The following TTF2 variants were observed in gnomAD, a reference collection of about 807,000 sequenced individuals.
TTF2 encodes the protein transcription termination factor 2, also known as RNA polymerase II termination factor.
Under a neutral mutation model 142.4 loss-of-function variants are expected in TTF2, and 108 were observed. The ratio of observed to expected loss-of-function variants is 0.76; its 90% confidence interval spans 0.65 to 0.89. The LOEUF is 0.89. Ranked by LOEUF, TTF2 falls within the 40% of genes least tolerant of loss-of-function variation. The probability of loss-of-function intolerance (pLI) is 0.00; values close to 1 mark genes in which losing one functional copy is unlikely to be tolerated. For missense variants in TTF2, 1,327 were observed against 1,379.8 expected (o/e 0.96, Z 0.61); for synonymous variants, 483 against 506.2 (o/e 0.95, Z 0.61).
In TTF2 at chr1:117,085,319, C is replaced by T. The variant is rs910199039; in HGVS notation, c.2055-1098C>T. Among the ~76,000 whole-genome samples, 2 of 152,120 alleles carry T rather than the reference C, an allele frequency of 1.3e-5. No homozygotes were observed. Among genetic ancestry groups the T allele is most frequent in the Non-Finnish European group, 2.9e-5 (2 of 68,032 alleles). The stretch of plus-strand genomic sequence containing the variant: ...CTATAATCCGAGCACTTTGGGAGGC[C>T]GAGGCAGGCAGATCACTTGAGCTCA... On this transcript the variant is annotated intron_variant, in intron 11 of 22. Coordinates refer to ENST00000369466, the MANE Select transcript of TTF2 (RefSeq NM_003594.4). This position sits in a 1 kb window ranked among gnomAD's most constrained non-coding sequence, Gnocchi z 4.7.
intron 3 of TTF2, among the ~76,000 whole-genome samples, chr1:117,069,510 C>T (rs540372078): frequency 2.6e-5 from 4 of 152,284 alleles, no homozygotes; most frequent in Admixed American, 2.6e-4. Context: ...AGTGATCAGC[C>T]AGTGTGAGCT....
chr1:117,086,626 G>T lies in TTF2; in HGVS notation c.2160+104G>T. 1 of 759,332 alleles carries T rather than the reference G, an allele frequency of 1.3e-6. No homozygotes were observed. Among genetic ancestry groups the T allele is most frequent in the Non-Finnish European group, 2.3e-6 (1 of 439,370 alleles). 47.0% of individuals were successfully genotyped at this position (759,332 alleles called of 1,614,324 possible). ...AGCAAGAGGACCTCCCTGGAGGTCA[G>T]GAATGCTGTAAATGATCCGCATGTG... is the stretch of plus-strand genomic sequence containing the variant. On this transcript the variant is annotated intron_variant, in intron 12 of 22. Coordinates refer to ENST00000369466, the MANE Select transcript of TTF2 (RefSeq NM_003594.4). This position sits in a 1 kb window ranked among gnomAD's most constrained non-coding sequence, Gnocchi z 4.2.
rs1344442330 is a variant in TTF2, at chr1:117,084,188, G to C, written c.2054+20G>C. 3 of 1,613,534 alleles carry C rather than the reference G, an allele frequency of 1.9e-6. No individual in the cohort carries two copies. The highest frequency in any genetic ancestry group is 2.5e-6 in the Non-Finnish European group (3 of 1,179,490). ...CAGAGTGTAAGTGCAGGAATACGCA[G>C]TTGTGGGGGCGTTCAGCACCTCTGC... On this transcript the variant is annotated intron_variant, in intron 11 of 22. Transcript: ENST00000369466.
intron 3 of TTF2, among the ~76,000 whole-genome samples, chr1:117,072,585 G>A (rs1302213171): frequency 2.6e-5 from 4 of 151,530 alleles, no homozygotes; most frequent in South Asian, 4.2e-4. Flanking sequence ...CCACCACGCC[G>A]GGCTAATTTT....
rs796515215 is a variant in TTF2, at chr1:117,099,424, A to G, written c.3344+517A>G. 3.9e-5 allele frequency among the ~76,000 whole-genome samples: 6 copies of G among 152,158 alleles called. No homozygotes were observed. Among genetic ancestry groups the G allele is most frequent in the South Asian group, 4.1e-4 (2 of 4,834 alleles). On this transcript the variant is annotated intron_variant, in intron 22 of 22. Coordinates refer to ENST00000369466, the MANE Select transcript of TTF2 (RefSeq NM_003594.4). This position sits in a 1 kb window ranked among gnomAD's most constrained non-coding sequence, Gnocchi z 4.3. ...AGGTTATTAAAATTAATAAAACACT[A>G]TTATCTGATCTACAGATCTTTTCAA...
At chr1:117,064,422 G>T (rs1655922579) in intron 3 of TTF2, among the ~76,000 whole-genome samples, 1 of 152,152 alleles carries the variant, frequency 6.6e-6, no homozygotes. Flanking sequence ...TATGGTTTGT[G>T]CTTTTTGTCT....
At position 117,107,347 on chromosome 1, in the gene TTF2, C is replaced by G. The variant is rs898464577; in HGVS notation, c.*5823C>G. 2.0e-5 allele frequency: 3 copies of G among 152,202 alleles called. No homozygotes were observed. The highest frequency in any genetic ancestry group is 4.4e-5 in the Non-Finnish European group (3 of 68,032). 9.4% of individuals were successfully genotyped at this position (152,202 alleles called of 1,614,324 possible). ...TAAAGGCTAACACATTAGCCAGAACCTAGATGTCTTCTGGAAATTTTTTAT... is the reference window on the plus strand; with the variant it reads ...TAAAGGCTAACACATTAGCCAGAACGTAGATGTCTTCTGGAAATTTTTTAT... On this transcript the variant is annotated 3_prime_UTR_variant, in exon 23 of 23. Transcript: ENST00000369466.
intron 2 of TTF2, among the ~76,000 whole-genome samples, chr1:117,061,623 G>A (rs183691485): frequency 2.9e-4 from 44 of 152,302 alleles, no homozygotes; most frequent in African/African-American, 1.0e-3. Flanking sequence ...CCCAGGTCAA[G>A]TTTTGTGAGA....
At chr1:117,096,371 G>T in intron 20 of TTF2, 72 bp downstream of exon 20, 1 of 1,544,164 alleles carries the variant, frequency 6.5e-7, no homozygotes, top group South Asian at 1.2e-5. Context: ...TTTTTGTTTG[G>T]TTGGTTTTTG....
chr1:117,083,241 C>CAAAA (rs937586299), intron 10 of TTF2, among the ~76,000 whole-genome samples: 11 of 53,308 alleles, frequency 2.1e-4, no homozygotes, highest in East Asian at 1.7e-3. Flanking sequence ...GACTCCGTCT[C>CAAAA]AAAAAAAAAA....
Position 117,093,017 on chromosome 1 carries a change from C to A in TTF2, c.2976+116C>A. 4.2e-6 allele frequency: 5 copies of A among 1,178,250 alleles called. No individual in the cohort carries two copies. Among genetic ancestry groups the A allele is most frequent in the Non-Finnish European group, 6.0e-6 (5 of 831,226 alleles). The allele number at this position is 1,178,250 out of a possible 1,614,324, so 73.0% of individuals were successfully genotyped here. ...AGCCATTTGCCAGCAGAGCTAGAGC[C>A]GTTAAATTCTAGCTGATCAGATTCT... On this transcript the variant is annotated intron_variant, in intron 18 of 22. Transcript: ENST00000369466. This position sits in a 1 kb window ranked among gnomAD's most constrained non-coding sequence, Gnocchi z 4.5.
intron 3 of TTF2, among the ~76,000 whole-genome samples, chr1:117,065,240 A>G (rs952183493): frequency 4.6e-5 from 7 of 152,216 alleles, no homozygotes; most frequent in Non-Finnish European, 7.3e-5. Flanking sequence ...GATTGCATTG[A>G]ATCTATATAG....
At position 117,101,771 on chromosome 1, in the gene TTF2, T is replaced by A. The variant is rs963642121; in HGVS notation, c.*247T>A. On this transcript the variant is annotated 3_prime_UTR_variant, in exon 23 of 23. Transcript: ENST00000369466. This position sits in a 1 kb window ranked among gnomAD's most constrained non-coding sequence, Gnocchi z 5.9. ...TGGTATGGAAACCAATTGATTTTTTTAGATAAAAGAATATGTTTTAGAGTT... is the reference window on the plus strand; with the variant it reads ...TGGTATGGAAACCAATTGATTTTTTAAGATAAAAGAATATGTTTTAGAGTT... 3 of 348,846 alleles carry A rather than the reference T, an allele frequency of 8.6e-6. No homozygotes were observed. The highest frequency in any genetic ancestry group is 6.3e-5 in the African/African-American group (3 of 47,480). The allele number at this position is 348,846 out of a possible 1,614,324, so 21.6% of individuals were successfully genotyped here.
intron 2 of TTF2, 31 bp downstream of exon 2, chr1:117,060,588 G>C (rs371412038): frequency 7.0e-5 from 110 of 1,560,606 alleles, no homozygotes; most frequent in Non-Finnish European, 8.8e-5. Context: ...CACTCCCTGT[G>C]GCTGCCCGGG....
rs750468426 is a variant in TTF2, at chr1:117,075,404, A to C, written c.820A>C (p.Lys274Gln). The C allele has an allele frequency of 6.2e-6, 10 of 1,614,060 alleles. No individual in the cohort carries two copies. Among genetic ancestry groups the C allele is most frequent in the Non-Finnish European group, 8.5e-6 (10 of 1,180,040 alleles). ...QNVHSHNSIS[K>Q]PQKGGPLNKE... is the part of the protein sequence containing the mutation. The stretch of plus-strand genomic sequence containing the variant: ...TGTTCACAGTCACAACTCAATAAGC[A>C]AGCCCCAGAAAGGGGGACCCCTCAA... The change falls in exon 5 of 23, where the codon AAG becomes CAG. Residue 274 changes from lysine to glutamine, a missense_variant. Lys to Gln is a moderately conservative substitution (Grantham distance 53). Coordinates refer to ENST00000369466, the MANE Select transcript of TTF2 (RefSeq NM_003594.4). This position sits in a 1 kb window ranked among gnomAD's most constrained non-coding sequence, Gnocchi z 4.5.
Position 117,099,243 on chromosome 1 carries a change from C to T in TTF2, c.3344+336C>T, listed in dbSNP as rs6666693. 0.28 allele frequency among the ~76,000 whole-genome samples: 41,799 copies of T among 151,826 alleles called. 6,090 individuals carry two copies. Among genetic ancestry groups the T allele is most frequent in the Non-Finnish European group, 0.31 (20,787 of 67,912 alleles). On this transcript the variant is annotated intron_variant, in intron 22 of 22. Transcript: ENST00000369466. This position sits in a 1 kb window ranked among gnomAD's most constrained non-coding sequence, Gnocchi z 4.3. ...GTACAAGAATAGTACCAAAAAGTTC[C>T]CATATATTATGGTGTGCATGTGGGT...
chr1:117,083,737 T>C (rs1340759315), intron 10 of TTF2, among the ~76,000 whole-genome samples: 1 of 152,224 alleles, frequency 6.6e-6, no homozygotes, highest in Non-Finnish European at 1.5e-5. Flanking sequence ...TACTTCACTA[T>C]AGGCTCTGTA....
rs139362204 is a variant in TTF2, at chr1:117,068,362, G to A, written c.219-5299G>A. Among the ~76,000 whole-genome samples the A allele has an allele frequency of 1.1e-3, 170 of 152,200 alleles. 1 individual carries two copies. In the South Asian group the frequency reaches 0.013, roughly 12 times the overall value. ...TTAACCATGAGAACACTTGGACATA[G>A]GGCGTGGAACATCACATACTGGGGC... On this transcript the variant is annotated intron_variant, in intron 3 of 22. Coordinates refer to ENST00000369466, the MANE Select transcript of TTF2 (RefSeq NM_003594.4).
intron 15 of TTF2, 61 bp from the exon 16 acceptor site, chr1:117,091,267 C>T (rs1648551441): frequency 4.2e-6 from 6 of 1,416,012 alleles, no homozygotes; most frequent in African/African-American, 1.4e-5. Context: ...ACTGCAGGCA[C>T]AGTTAAGCAG....
Sources: gnomAD v4.1 joint callset for allele counts (sites outside exome capture counted in the v4.1 genomes callset) on GRCh38, gnomAD v4.1.1 for gene constraint, Gnocchi (gnomAD v3.1) non-coding constraint, MANE v1.5 for transcripts, NCBI Gene and HGNC (gene_info 2026-07-23, HGNC 2026-07-21) for gene names.